The following SMOC1 variants were observed in gnomAD, a reference collection of about 807,000 sequenced individuals.
The protein encoded by SMOC1 is SPARC-related modular calcium-binding protein 1.
SMOC1 carries 22 observed loss-of-function variants against 56.3 expected under a neutral mutation model. That is an observed-to-expected ratio of 0.39 (90% CI 0.28 to 0.56). The LOEUF is 0.56. Among genes scored for constraint, SMOC1 ranks in the 20% least tolerant of loss-of-function variants. The pLI is 0.61. For missense variants in SMOC1, 509 were observed against 565.4 expected (o/e 0.90, Z 1.01); for synonymous variants, 193 against 215.0 (o/e 0.90, Z 0.89).
chr14:69,968,414 G>C (rs1883646852), intron 3 of SMOC1, among the ~76,000 whole-genome samples: 1 of 152,164 alleles, frequency 6.6e-6, no homozygotes, highest in Non-Finnish European at 1.5e-5. Context: ...TTCTGATGGA[G>C]AGAGATGTTC....
intron 1 of SMOC1, among the ~76,000 whole-genome samples, chr14:69,932,651 T>C (rs930717506): frequency 6.6e-6 from 1 of 152,228 alleles, no homozygotes; most frequent in East Asian, 1.9e-4. Context: ...TCTGCTCTAT[T>C]CATTCAAAGG....
Position 69,916,108 on chromosome 14 carries a change from G to C in SMOC1, c.100-36030G>C, listed in dbSNP as rs545689155. On this transcript the variant is annotated intron_variant, in intron 1 of 11. Coordinates refer to ENST00000361956, the MANE Select transcript of SMOC1 (RefSeq NM_001034852.3). ...ATCTGAAACCAACATGAAACCAAAA[G>C]CCCAGATTTTCCCTACCAACCTTAC... 4.6e-5 allele frequency among the ~76,000 whole-genome samples: 7 copies of C among 152,246 alleles called. No homozygotes were observed. In the South Asian group the frequency reaches 1.5e-3, roughly 32 times the overall value.
At chr14:70,029,820 A>G (rs577885108) in intron 11 of SMOC1, among the ~76,000 whole-genome samples, 58 of 152,290 alleles carry the variant, frequency 3.8e-4, no homozygotes, top group Admixed American at 1.3e-3. Context: ...ACACGAGAGA[A>G]CTATTGGGTC....
chr14:69,893,365 G>T (rs1169389854), intron 1 of SMOC1, among the ~76,000 whole-genome samples: 1 of 152,138 alleles, frequency 6.6e-6, no homozygotes, highest in African/African-American at 2.4e-5. Context: ...CTTGTCTCTG[G>T]TGTTGCCATG....
chr14:69,896,457 A>G lies in SMOC1; in HGVS notation c.99+16680A>G, dbSNP rs912786999. Among the ~76,000 whole-genome samples, 18 of 152,202 alleles carry G rather than the reference A, an allele frequency of 1.2e-4. No homozygotes were observed. The East Asian group carries it at 1.3e-3, about 11-fold the overall frequency. ...TATTATTTAACTCACTGGGTAATTG[A>G]GCTTAAATGAAGTAATGGTAGGAAG... On this transcript the variant is annotated intron_variant, in intron 1 of 11. Transcript: ENST00000361956.
intron 3 of SMOC1, among the ~76,000 whole-genome samples, chr14:69,954,150 A>G (rs1012192544): frequency 6.6e-6 from 1 of 151,016 alleles, no homozygotes; most frequent in Admixed American, 6.6e-5. Context: ...TGATCTTGGC[A>G]CAGACTATTT....
chr14:69,914,443 C>G lies in SMOC1; in HGVS notation c.99+34666C>G, dbSNP rs535365460. Among the ~76,000 whole-genome samples, 6 of 152,326 alleles carry G rather than the reference C, an allele frequency of 3.9e-5. No homozygotes were observed. In the East Asian group the frequency reaches 1.2e-3, roughly 29 times the overall value. On this transcript the variant is annotated intron_variant, in intron 1 of 11. Transcript: ENST00000361956. ...GCACCCATTTCCCCACAGTAGTTTG[C>G]AGACCCCTGAAAAAACTAAAAGGCA...
chr14:69,919,903 C>G (rs1403349403), intron 1 of SMOC1, among the ~76,000 whole-genome samples: 6 of 140,670 alleles, frequency 4.3e-5, no homozygotes, highest in African/African-American at 1.7e-4. Flanking sequence ...ATCCTATGAA[C>G]ACAAATACCC....
intron 5 of SMOC1, among the ~76,000 whole-genome samples, chr14:69,990,581 G>C (rs887933618): frequency 6.6e-6 from 1 of 152,132 alleles, no homozygotes; most frequent in African/African-American, 2.4e-5. Flanking sequence ...GTGGCTCATT[G>C]AATTCAATGG....
intron 10 of SMOC1, among the ~76,000 whole-genome samples, chr14:70,016,877 G>T (rs1304396630): frequency 6.6e-6 from 1 of 152,190 alleles, no homozygotes; most frequent in Admixed American, 6.5e-5. Context: ...ATCTGTAGGA[G>T]CTGCCTGTTC....
Position 70,030,271 on chromosome 14 carries a change from C to G in SMOC1, c.*13C>G, listed in dbSNP as rs1468707398. On this transcript the variant is annotated 3_prime_UTR_variant, in exon 12 of 12. Coordinates refer to ENST00000361956, the MANE Select transcript of SMOC1 (RefSeq NM_001034852.3). ...ACGCCTCGTCTAAGGAGCAGAAAAC[C>G]CAAGGGCAGGTGGAGAGTCCAGGGA... 2 of 1,613,044 alleles carry G rather than the reference C, an allele frequency of 1.2e-6. No individual in the cohort carries two copies. The highest frequency in any genetic ancestry group is 3.3e-5 in the Admixed American group (2 of 59,940).
At chr14:69,989,273 C>T (rs554882983) in intron 5 of SMOC1, among the ~76,000 whole-genome samples, 41 of 152,092 alleles carry the variant, frequency 2.7e-4, no homozygotes, top group Non-Finnish European at 4.9e-4. Context: ...TAATTTGTAC[C>T]TTCCTAATGA....
intron 1 of SMOC1, among the ~76,000 whole-genome samples, chr14:69,903,673 A>G (rs1884327414): frequency 6.6e-6 from 1 of 152,128 alleles, no homozygotes; most frequent in South Asian, 2.1e-4. Context: ...GCGGTGCAAG[A>G]TGTGCTTTGT....
chr14:69,888,882 G>A (rs1883884536), intron 1 of SMOC1, among the ~76,000 whole-genome samples: 1 of 152,208 alleles, frequency 6.6e-6, no homozygotes, highest in Non-Finnish European at 1.5e-5. Context: ...GAGTGAGATA[G>A]GGAGTGTTAT....
chr14:69,884,083 T>C (rs1161045925), intron 1 of SMOC1, among the ~76,000 whole-genome samples: 1 of 150,892 alleles, frequency 6.6e-6, no homozygotes, highest in Non-Finnish European at 1.5e-5. Context: ...ATTTTTTGTA[T>C]TTTTAGTAGA....
chr14:69,957,966 T>C (rs1883247568), intron 3 of SMOC1, among the ~76,000 whole-genome samples: 1 of 152,222 alleles, frequency 6.6e-6, no homozygotes, highest in African/African-American at 2.4e-5. Context: ...ATAAAGTAAC[T>C]ATATAAAAGA....
At chr14:69,954,589 G>C (rs192143834) in intron 3 of SMOC1, among the ~76,000 whole-genome samples, 1 of 152,178 alleles carries the variant, frequency 6.6e-6, no homozygotes, top group African/African-American at 2.4e-5. Flanking sequence ...CAGCCTGGGC[G>C]GTGGGCAGCT....
chr14:70,011,466 C>T lies in SMOC1; in HGVS notation c.858-19C>T. ...GTTGCCAGCCCCTCCCAACCCCCCC[C>T]ATATCTCTCTTTTCCCAGCTACGTG... On this transcript the variant is annotated intron_variant, in intron 8 of 11. Transcript: ENST00000361956. 1 of 1,561,722 alleles carries T rather than the reference C, an allele frequency of 6.4e-7. No homozygotes were observed. The highest frequency in any genetic ancestry group is 8.8e-7 in the Non-Finnish European group (1 of 1,133,454).
In SMOC1 at chr14:69,977,588, G is replaced by A. The variant is rs573909491; in HGVS notation, c.479-330G>A. Among the ~76,000 whole-genome samples, 48 of 152,280 alleles carry A rather than the reference G, an allele frequency of 3.2e-4. 1 individual carries two copies. The highest frequency in any genetic ancestry group is 6.3e-4 in the Non-Finnish European group (43 of 68,032). ...ACTGGTGAGAAGTTGGGGAGATGGG[G>A]GTGTAAAGGTGAGGGGCAGATATTG... On this transcript the variant is annotated intron_variant, in intron 4 of 11. Coordinates refer to ENST00000361956, the MANE Select transcript of SMOC1 (RefSeq NM_001034852.3).
Sources: gnomAD v4.1 joint callset for allele counts (sites outside exome capture counted in the v4.1 genomes callset) on GRCh38, gnomAD v4.1.1 for gene constraint, MANE v1.5 for transcripts, NCBI Gene and HGNC (gene_info 2026-07-23, HGNC 2026-07-21) for gene names.